The following EFCAB10 variants were observed in gnomAD, a reference collection of about 807,000 sequenced individuals.
The protein encoded by EFCAB10 is EF-hand calcium binding domain 10.
EFCAB10 carries 7 observed loss-of-function variants against 7.7 expected under a neutral mutation model. The ratio of observed to expected loss-of-function variants is 0.91; its 90% CI spans 0.52 to 1.72. EFCAB10 has a LOEUF of 1.72. EFCAB10 is among the 40% of genes most tolerant of loss of function. The probability of loss-of-function intolerance (pLI) is 0.00; values close to 1 mark genes in which losing one functional copy is unlikely to be tolerated. For missense variants in EFCAB10, 112 were observed against 61.5 expected (o/e 1.82, Z -2.74); for synonymous variants, 52 against 21.0 (o/e 2.47, Z -4.03).
At chr7:105,565,754 T>C (rs1791699995) in intron 4 of EFCAB10, 2 of 722,058 alleles carry the variant, frequency 2.8e-6, no homozygotes, top group East Asian at 2.6e-5. Context: ...ATAAGATCAG[T>C]TGAAATTTTA....
chr7:105,575,569 G>A (rs1015298898), intron 1 of EFCAB10, among the ~76,000 whole-genome samples: 1 of 152,160 alleles, frequency 6.6e-6, no homozygotes, highest in Non-Finnish European at 1.5e-5. Context: ...AGGTCTTGCT[G>A]TTACACTTAA....
chr7:105,574,185 T>C (rs150035762), intron 1 of EFCAB10, among the ~76,000 whole-genome samples: 5 of 10,076 alleles, frequency 5.0e-4, no homozygotes, highest in East Asian at 0.028. Flanking sequence ...TATGTATATA[T>C]ACACACACAC....
At position 105,580,698 on chromosome 7, in the gene EFCAB10, ATTTTGGCAT is replaced by A. The variant is rs1356033770; in HGVS notation, c.106+651_106+659del. Among the ~76,000 whole-genome samples, 5 of 152,166 alleles carry A rather than the reference ATTTTGGCAT, an allele frequency of 3.3e-5. No individual in the cohort carries two copies. In the South Asian group the frequency reaches 8.3e-4, roughly 25 times the overall value. The stretch of plus-strand genomic sequence containing the variant: ...TTCCTTACACAGAAGCAAATGGACA[ATTTTGGCAT>A]TTCGGACGCTCCATATGGAGGTCGG... On this transcript the variant is annotated intron_variant, in intron 1 of 4. Coordinates refer to ENST00000480514, the MANE Select transcript of EFCAB10 (RefSeq NM_001355526.2).
intron 1 of EFCAB10, chr7:105,571,482 G>A (rs1387570690): frequency 6.6e-6 from 1 of 152,170 alleles, no homozygotes; most frequent in Non-Finnish European, 1.5e-5. Flanking sequence ...CAAAGCAATG[G>A]CTACCAAGAG....
At chr7:105,580,265 G>T (rs559558552) in intron 1 of EFCAB10, among the ~76,000 whole-genome samples, 2 of 152,260 alleles carry the variant, frequency 1.3e-5, no homozygotes, top group South Asian at 4.1e-4. Context: ...TGGTATTATA[G>T]GCGTGAGTCA....
chr7:105,565,667 A>G lies in EFCAB10; in HGVS notation c.*-220T>C, dbSNP rs1238282467. 1 of 1,443,034 alleles carries G rather than the reference A, an allele frequency of 6.9e-7. No homozygotes were observed. Among genetic ancestry groups the G allele is most frequent in the African/African-American group, 1.4e-5 (1 of 71,144 alleles). The allele number at this position is 1,443,034 out of a possible 1,614,324, so 89.4% of individuals were successfully genotyped here. A position where few individuals can be genotyped will look rare whatever the true frequency, so the allele number is the denominator to read the frequency against. ...TTAAACAGTAAGCTCAACATTTAAC[A>G]ATTAATATTAATGTATCAAATTGTT... On this transcript the variant is annotated intron_variant, in intron 4 of 4. Transcript: ENST00000480514.
At chr7:105,579,590 A>T (rs963821973) in intron 1 of EFCAB10, among the ~76,000 whole-genome samples, 1 of 152,228 alleles carries the variant, frequency 6.6e-6, no homozygotes, top group African/African-American at 2.4e-5. Flanking sequence ...TACTGAGGAT[A>T]TCAAAATTGT....
intron 1 of EFCAB10, among the ~76,000 whole-genome samples, chr7:105,580,361 G>C (rs1397930370): frequency 6.6e-6 from 1 of 152,076 alleles, no homozygotes; most frequent in Non-Finnish European, 1.5e-5. Context: ...TAGCAGACAC[G>C]AGGTTTCACC....
At chr7:105,569,138 G>T (rs1791871482) in intron 3 of EFCAB10, 65 bp downstream of exon 3, 3 of 694,652 alleles carry the variant, frequency 4.3e-6, no homozygotes, top group Non-Finnish European at 7.8e-6. Flanking sequence ...TGTTTTAAAG[G>T]TATTAATTGT....
Position 105,565,141 on chromosome 7 carries a change from C to A in EFCAB10, c.*306G>T. Reference sequence around the variant, plus strand: ...CAGGTACATTTATTTTCTGATAGAGCTTTTAATGTTAGGCTGTATATTTTT... The same window carrying A: ...CAGGTACATTTATTTTCTGATAGAGATTTTAATGTTAGGCTGTATATTTTT... On this transcript the variant is annotated 3_prime_UTR_variant, in exon 5 of 5. Coordinates refer to ENST00000480514, the MANE Select transcript of EFCAB10 (RefSeq NM_001355526.2). The A allele has an allele frequency of 3.4e-6, 2 of 592,836 alleles. No homozygotes were observed. Among genetic ancestry groups the A allele is most frequent in the Non-Finnish European group, 5.6e-6 (2 of 356,300 alleles). 36.7% of individuals were successfully genotyped at this position (592,836 alleles called of 1,614,324 possible). A position where few individuals can be genotyped will look rare whatever the true frequency, so the allele number is the denominator to read the frequency against.
At position 105,565,596 on chromosome 7, in the gene EFCAB10, C is replaced by A. The variant is rs139766063; in HGVS notation, c.*-149G>T. ...GCTGCAGTTTGATATGACTCGGAAT[C>A]TTTTCCCTTTGTTTTCTCACTATTG... On this transcript the variant is annotated intron_variant, in intron 4 of 4. Coordinates refer to ENST00000480514, the MANE Select transcript of EFCAB10 (RefSeq NM_001355526.2). 3.7e-6 allele frequency: 6 copies of A among 1,613,962 alleles called. No homozygotes were observed. The African/African-American group carries it at 6.7e-5, about 18-fold the overall frequency.
rs1382491511 is a variant in EFCAB10, at chr7:105,567,457, A to C, written c.383+10T>G. The C allele has an allele frequency of 1.4e-6, 1 of 726,692 alleles. No individual in the cohort carries two copies. Among genetic ancestry groups the C allele is most frequent in the Non-Finnish European group, 2.4e-6 (1 of 410,914 alleles). 45.0% of individuals were successfully genotyped at this position (726,692 alleles called of 1,614,324 possible). On this transcript the variant is annotated intron_variant, in intron 4 of 4. Coordinates refer to ENST00000480514, the MANE Select transcript of EFCAB10 (RefSeq NM_001355526.2). ...TTATCTTGGATTTATGGTGTTATTA[A>C]AATGCTGACCATATTTCCTTCATCC... is the stretch of plus-strand genomic sequence containing the variant.
At chr7:105,580,268 G>C (rs1792190417) in intron 1 of EFCAB10, among the ~76,000 whole-genome samples, 1 of 152,082 alleles carries the variant, frequency 6.6e-6, no homozygotes, top group Non-Finnish European at 1.5e-5. Flanking sequence ...TATTATAGGC[G>C]TGAGTCACCG....
chr7:105,573,174 G>A (rs1319078340), intron 1 of EFCAB10: 1 of 151,912 alleles, frequency 6.6e-6, no homozygotes, highest in Non-Finnish European at 1.5e-5. Context: ...TCATCCCTGG[G>A]AATTTATGTG....
At chr7:105,567,677 C>G (rs1791828175) in intron 3 of EFCAB10, 187 bp from the exon 4 acceptor site, 9 of 518,914 alleles carry the variant, frequency 1.7e-5, no homozygotes, top group Non-Finnish European at 2.4e-5. Flanking sequence ...TTTAAAACTC[C>G]CTTTGAATGC....
At chr7:105,569,592 CTCTT>C (rs1791884724) in intron 1 of EFCAB10, 21 bp from the exon 2 acceptor site, 4 of 681,072 alleles carry the variant, frequency 5.9e-6, no homozygotes, top group Non-Finnish European at 1.1e-5. Flanking sequence ...ATAGTTCCAG[CTCTT>C]TCTGATACGA....
intron 1 of EFCAB10, among the ~76,000 whole-genome samples, chr7:105,577,713 C>G: frequency 6.9e-6 from 1 of 145,028 alleles, no homozygotes; most frequent in East Asian, 2.0e-4. Context: ...TTTGTCTGTT[C>G]AATTTTTTTT....
At chr7:105,574,116 A>T (rs1195149219) in intron 1 of EFCAB10, among the ~76,000 whole-genome samples, 1 of 14,614 alleles carries the variant, frequency 6.8e-5, no homozygotes, top group African/African-American at 1.3e-4. Flanking sequence ...CACACACACA[A>T]TGTGTGTGTA....
At chr7:105,565,772 G>A (rs914914924) in intron 4 of EFCAB10, 1 of 646,000 alleles carries the variant, frequency 1.5e-6, no homozygotes. Context: ...TTAAAACATT[G>A]TCTATCTACT....
Sources: gnomAD v4.1 joint callset for allele counts (sites outside exome capture counted in the v4.1 genomes callset) on GRCh38, gnomAD v4.1.1 for gene constraint, MANE v1.5 for transcripts, NCBI Gene and HGNC (gene_info 2026-07-23, HGNC 2026-07-21) for gene names.